Variants in SENP7 observed in about 807,000 individuals in gnomAD.
SENP7 encodes the protein sentrin-specific protease 7.
Under a neutral mutation model 141.2 loss-of-function variants are expected in SENP7, and 64 were observed. That is an observed-to-expected ratio of 0.45 (90% CI 0.37 to 0.56). The LOEUF is 0.56. Among genes scored for constraint, SENP7 ranks in the 20% least tolerant of loss-of-function variants. The pLI is 0.00. For missense variants in SENP7, 1,025 were observed against 1,212.2 expected, an observed-to-expected ratio of 0.85 and a Z score of 2.29; for synonymous variants, 382 against 426.4, an observed-to-expected ratio of 0.90 and a Z score of 1.28.
chr3:101,421,064 T>A (rs4683844), intron 4 of SENP7, among the ~76,000 whole-genome samples: 28,155 of 152,060 alleles, frequency 0.19, 3,100 homozygotes, highest in Admixed American at 0.35. Flanking sequence ...TTATAGCAGA[T>A]GATGATATGA....
At chr3:101,501,638 A>G (rs2065384457) in intron 1 of SENP7, among the ~76,000 whole-genome samples, 1 of 152,118 alleles carries the variant, frequency 6.6e-6, no homozygotes, top group Admixed American at 6.5e-5. Context: ...CTTGCTGTGG[A>G]TTTTTCTGAG....
intron 11 of SENP7, among the ~76,000 whole-genome samples, chr3:101,356,992 T>C (rs1235280796): frequency 6.6e-6 from 1 of 152,152 alleles, no homozygotes; most frequent in Non-Finnish European, 1.5e-5. Context: ...AATGCTTTTA[T>C]TAACTATGAA....
At chr3:101,414,818 G>GA (rs1457716988) in intron 5 of SENP7, among the ~76,000 whole-genome samples, 2 of 138,760 alleles carry the variant, frequency 1.4e-5, no homozygotes, top group Non-Finnish European at 3.2e-5. Context: ...ACATGAAATG[G>GA]AAAAAAGTGG....
chr3:101,455,024 T>TA (rs1208504681), intron 4 of SENP7, among the ~76,000 whole-genome samples: 4 of 152,152 alleles, frequency 2.6e-5, no homozygotes, highest in African/African-American at 9.7e-5. Flanking sequence ...ACTTAATTTT[T>TA]AAAAAAGCAC....
chr3:101,393,731 A>T (rs1038451929), intron 6 of SENP7, among the ~76,000 whole-genome samples: 1 of 152,236 alleles, frequency 6.6e-6, no homozygotes, highest in African/African-American at 2.4e-5. Flanking sequence ...AAAGTTTGAG[A>T]CTGGGTGGCT....
chr3:101,481,288 T>A (rs939161342), intron 3 of SENP7, among the ~76,000 whole-genome samples: 4 of 152,126 alleles, frequency 2.6e-5, no homozygotes, highest in African/African-American at 9.7e-5. Flanking sequence ...ATTTACACAA[T>A]TAAACATAAT....
intron 4 of SENP7, among the ~76,000 whole-genome samples, chr3:101,446,949 A>G (rs1024864847): frequency 5.9e-5 from 9 of 152,182 alleles, no homozygotes; most frequent in African/African-American, 2.2e-4. Context: ...CTTAAAAAAA[A>G]TCAAACATAA....
intron 5 of SENP7, among the ~76,000 whole-genome samples, chr3:101,399,822 C>T (rs2061080867): frequency 6.6e-6 from 1 of 152,152 alleles, no homozygotes; most frequent in South Asian, 2.1e-4. Context: ...GACTATGTCT[C>T]ATTATGTTGT....
chr3:101,348,082 A>T, intron 12 of SENP7, 31 bp from the exon 13 acceptor site: 1 of 1,489,092 alleles, frequency 6.7e-7, no homozygotes, highest in East Asian at 2.3e-5. Flanking sequence ...CAATTTAAAA[A>T]ATTAATCCAT....
intron 1 of SENP7, among the ~76,000 whole-genome samples, chr3:101,502,558 A>T (rs1483267596): frequency 6.6e-6 from 1 of 151,620 alleles, no homozygotes; most frequent in Non-Finnish European, 1.5e-5. Flanking sequence ...GGCCACCCAA[A>T]GTGTTGGGAT....
intron 3 of SENP7, among the ~76,000 whole-genome samples, chr3:101,479,085 A>G (rs570688416): frequency 6.6e-6 from 1 of 152,360 alleles, no homozygotes; most frequent in East Asian, 1.9e-4. Flanking sequence ...ACAAATCCAC[A>G]GCTAACATCA....
intron 1 of SENP7, among the ~76,000 whole-genome samples, chr3:101,507,601 A>C (rs1190997665): frequency 2.0e-5 from 3 of 152,152 alleles, no homozygotes; most frequent in African/African-American, 7.2e-5. Context: ...ACTTTGTTAA[A>C]ACTCTCCCAC....
At chr3:101,473,434 G>T (rs1396689970) in intron 3 of SENP7, among the ~76,000 whole-genome samples, 1 of 152,124 alleles carries the variant, frequency 6.6e-6, no homozygotes, top group Non-Finnish European at 1.5e-5. Flanking sequence ...ATTTTGACTA[G>T]TGTGAGATGG....
intron 4 of SENP7, chr3:101,457,672 T>C (rs1576414266): frequency 1.4e-6 from 2 of 1,394,380 alleles, no homozygotes; most frequent in East Asian, 2.3e-5. Flanking sequence ...TTCCCACCAA[T>C]GCACACTTGT....
intron 5 of SENP7, among the ~76,000 whole-genome samples, chr3:101,412,123 C>CA (rs1271208820): frequency 1.3e-5 from 2 of 152,074 alleles, no homozygotes; most frequent in Non-Finnish European, 2.9e-5. Context: ...ATATATAGAG[C>CA]AAATTTTTAG....
chr3:101,385,765 A>G (rs1317958269), intron 6 of SENP7, among the ~76,000 whole-genome samples: 2 of 152,036 alleles, frequency 1.3e-5, no homozygotes, highest in Non-Finnish European at 2.9e-5. Context: ...ACCAAGGATC[A>G]TTACCAGCTG....
At chr3:101,442,425 A>G (rs1275409559) in intron 4 of SENP7, among the ~76,000 whole-genome samples, 1 of 152,092 alleles carries the variant, frequency 6.6e-6, no homozygotes, top group Non-Finnish European at 1.5e-5. Flanking sequence ...CACAGTTCAC[A>G]ATAGGGTTCA....
chr3:101,333,724 C>T (rs2059114707), intron 17 of SENP7, among the ~76,000 whole-genome samples: 1 of 152,058 alleles, frequency 6.6e-6, no homozygotes, highest in Non-Finnish European at 1.5e-5. Flanking sequence ...TTATTAGGTT[C>T]CTAAAAACAA....
intron 4 of SENP7, among the ~76,000 whole-genome samples, chr3:101,422,052 G>C (rs2061805799): frequency 6.6e-6 from 1 of 152,166 alleles, no homozygotes; most frequent in Non-Finnish European, 1.5e-5. Flanking sequence ...GAGGTGAACG[G>C]TGGGTGAGCG....
Sources: allele counts gnomAD v4.1 joint callset (sites outside exome capture counted in the v4.1 genomes callset), GRCh38; gene constraint gnomAD v4.1.1; transcripts MANE v1.5; gene names NCBI Gene and HGNC (gene_info 2026-07-23, HGNC 2026-07-21).